TTC23: variants seen among roughly 807,000 people sequenced by gnomAD.
TTC23 encodes the protein tetratricopeptide repeat domain 23.
In TTC23, 58 loss-of-function variants were observed where a neutral mutation model predicts 55.1. The ratio of observed to expected loss-of-function variants is 1.05; its 90% CI spans 0.85 to 1.31. The LOEUF is 1.31. Among genes scored for constraint, TTC23 ranks in the 50% most tolerant of loss-of-function variants. TTC23 has a pLI of 0.00. For missense variants in TTC23, 516 were observed against 534.4 expected (o/e 0.97, Z 0.34); for synonymous variants, 203 against 199.9 (o/e 1.02, Z -0.13).
intron 4 of TTC23, among the ~76,000 whole-genome samples, chr15:99,229,368 A>G (rs2078747488): frequency 6.6e-6 from 1 of 152,232 alleles, no homozygotes; most frequent in African/African-American, 2.4e-5. Context: ...ACAAAGGATA[A>G]AACAACGGTT....
At chr15:99,229,002 ATGTG>A (rs952609827) in intron 4 of TTC23, among the ~76,000 whole-genome samples, 3 of 152,150 alleles carry the variant, frequency 2.0e-5, no homozygotes, top group African/African-American at 4.8e-5. Context: ...ATACATGTAT[ATGTG>A]TATGTATTAC....
At chr15:99,178,335 T>C (rs1456218817) in intron 9 of TTC23, among the ~76,000 whole-genome samples, 1 of 152,210 alleles carries the variant, frequency 6.6e-6, no homozygotes, top group African/African-American at 2.4e-5. Context: ...CCTAATGTAA[T>C]TTATTTGATG....
chr15:99,147,314 C>CT (rs1219591235), intron 12 of TTC23, among the ~76,000 whole-genome samples: 2 of 151,154 alleles, frequency 1.3e-5, no homozygotes, highest in Non-Finnish European at 2.9e-5. Context: ...CAAGCTCCGC[C>CT]TCCCAGGTTC....
At chr15:99,146,436 A>G (rs1182228357) in intron 12 of TTC23, among the ~76,000 whole-genome samples, 1 of 152,178 alleles carries the variant, frequency 6.6e-6, no homozygotes, top group Non-Finnish European at 1.5e-5. Flanking sequence ...TTGGTCTTTC[A>G]ACTTGTTTAA....
intron 2 of TTC23, among the ~76,000 whole-genome samples, chr15:99,243,238 G>T (rs1000939920): frequency 9.9e-5 from 15 of 152,122 alleles, no homozygotes; most frequent in African/African-American, 3.6e-4. Flanking sequence ...TAACCAACAA[G>T]TATATGAAAA....
At chr15:99,188,875 T>C (rs1182753633) in intron 9 of TTC23, among the ~76,000 whole-genome samples, 1 of 152,084 alleles carries the variant, frequency 6.6e-6, no homozygotes, top group South Asian at 2.1e-4. Flanking sequence ...ATACAAATGA[T>C]ACAAGCTTAA....
chr15:99,208,583 C>T (rs759341925), intron 8 of TTC23, among the ~76,000 whole-genome samples: 3 of 152,134 alleles, frequency 2.0e-5, no homozygotes, highest in Admixed American at 6.6e-5. Context: ...GTTGCTGTTG[C>T]AGGCTATTTC....
chr15:99,167,623 A>G (rs2072311116), intron 10 of TTC23, among the ~76,000 whole-genome samples: 1 of 152,174 alleles, frequency 6.6e-6, no homozygotes, highest in African/African-American at 2.4e-5. Context: ...AGATGTACGT[A>G]TACAGGCAAA....
intron 8 of TTC23, among the ~76,000 whole-genome samples, chr15:99,207,782 C>T (rs2076740969): frequency 6.6e-6 from 1 of 152,014 alleles, no homozygotes; most frequent in Non-Finnish European, 1.5e-5. Context: ...ATAAATAAAC[C>T]ATAAGATATA....
chr15:99,211,367 A>C (rs1204990508), intron 8 of TTC23, among the ~76,000 whole-genome samples: 1 of 151,998 alleles, frequency 6.6e-6, no homozygotes, highest in Admixed American at 6.6e-5. Flanking sequence ...AGAGAGTCTC[A>C]AAGACAAAAA....
In TTC23 at chr15:99,228,542, G is replaced by A; in HGVS notation, c.171C>T (p.Asn57=). 1 of 1,610,272 alleles carries A rather than the reference G, an allele frequency of 6.2e-7. No individual in the cohort carries two copies. The highest frequency in any genetic ancestry group is 8.5e-7 in the Non-Finnish European group (1 of 1,177,940). ...LCEEKAKSYS[N]SHEYKQAVHE... ...ACAAAAGTCTCCTTACCTCATGACT[G>A]TTGGAATAGGACTTTGCTTTCTCTT... Residue 57 remains asparagine (N), a synonymous_variant, in exon 5 of 14, where the codon AAC becomes AAT. Coordinates refer to ENST00000394132, the MANE Select transcript of TTC23 (RefSeq NM_001288615.3).
At chr15:99,214,465 G>A (rs1386108192) in intron 8 of TTC23, among the ~76,000 whole-genome samples, 8 of 129,226 alleles carry the variant, frequency 6.2e-5, no homozygotes, top group Admixed American at 2.8e-4. Context: ...CCGAGATCGC[G>A]CCATTGCACT....
intron 8 of TTC23, among the ~76,000 whole-genome samples, chr15:99,201,200 A>G (rs1399438156): frequency 3.3e-5 from 5 of 151,928 alleles, no homozygotes; most frequent in Non-Finnish European, 1.5e-5. Flanking sequence ...TTATAAGTAA[A>G]GGTGGCAGTG....
intron 13 of TTC23, among the ~76,000 whole-genome samples, chr15:99,138,503 G>A (rs943399621): frequency 6.6e-6 from 1 of 152,198 alleles, no homozygotes; most frequent in African/African-American, 2.4e-5. Flanking sequence ...TAGTAGAGAC[G>A]AAGTTTTGCC....
chr15:99,230,051 A>C (rs1252064485), intron 4 of TTC23, among the ~76,000 whole-genome samples: 2 of 152,238 alleles, frequency 1.3e-5, no homozygotes, highest in Admixed American at 6.5e-5. Flanking sequence ...GCATCCAAAG[A>C]AGCAGGAAAA....
chr15:99,190,665 C>T (rs2075173155), intron 9 of TTC23, among the ~76,000 whole-genome samples: 1 of 152,172 alleles, frequency 6.6e-6, no homozygotes, highest in Non-Finnish European at 1.5e-5. Context: ...ATGAAAGGCA[C>T]TACATAACTC....
chr15:99,172,081 A>T (rs1271765352), intron 10 of TTC23, among the ~76,000 whole-genome samples: 1 of 150,412 alleles, frequency 6.6e-6, no homozygotes, highest in Non-Finnish European at 1.5e-5. Context: ...GCAGTGGCAC[A>T]ATCTTGGCTC....
chr15:99,138,813 C>T (rs1555488499), intron 13 of TTC23, among the ~76,000 whole-genome samples: 2 of 151,862 alleles, frequency 1.3e-5, no homozygotes, highest in African/African-American at 4.8e-5. Context: ...GCCCTGTTTC[C>T]CTGAGCAGAC....
At chr15:99,196,251 A>C (rs2075699541) in intron 9 of TTC23, among the ~76,000 whole-genome samples, 1 of 152,194 alleles carries the variant, frequency 6.6e-6, no homozygotes, top group South Asian at 2.1e-4. Context: ...TAATGTAAAA[A>C]GCTGGCATGG....
Sources: allele counts gnomAD v4.1 joint callset (sites outside exome capture counted in the v4.1 genomes callset), GRCh38; gene constraint gnomAD v4.1.1; transcripts MANE v1.5; gene names NCBI Gene and HGNC (gene_info 2026-07-23, HGNC 2026-07-21).